Variants in TTPA observed in about 807,000 individuals in gnomAD.
TTPA encodes alpha tocopherol transfer protein.
A neutral mutation model predicts 25.9 loss-of-function variants in TTPA; 23 were observed. The observed-to-expected ratio is 0.89, with a 90% CI of 0.64 to 1.26. TTPA has a LOEUF of 1.26. Ranked by LOEUF, TTPA falls within the 50% of genes most tolerant of loss-of-function variation. TTPA has a pLI of 0.00. For synonymous variants in TTPA, 148 were observed against 137.3 expected, an observed-to-expected ratio of 1.08 and a Z score of -0.54; for missense variants, 337 against 353.1, an observed-to-expected ratio of 0.95 and a Z score of 0.37.
intron 2 of TTPA, among the ~76,000 whole-genome samples, chr8:63,067,483 G>C (rs1164568050): frequency 6.8e-6 from 1 of 146,386 alleles, no homozygotes; most frequent in African/African-American, 2.5e-5. Flanking sequence ...AGACTGAAGT[G>C]CCTAACAGGA....
chr8:63,073,576 G>A (rs1805515688), intron 1 of TTPA, among the ~76,000 whole-genome samples: 1 of 152,176 alleles, frequency 6.6e-6, no homozygotes, highest in African/African-American at 2.4e-5. Flanking sequence ...TGTGGAGAGA[G>A]GCATGGAGGT....
At chr8:63,084,410 T>A (rs1358197119) in intron 1 of TTPA, among the ~76,000 whole-genome samples, 1 of 152,002 alleles carries the variant, frequency 6.6e-6, no homozygotes, top group Non-Finnish European at 1.5e-5. Flanking sequence ...AATTGTAGAG[T>A]CCAAAAAATA....
At chr8:63,064,898 T>C (rs928722414) in intron 3 of TTPA, among the ~76,000 whole-genome samples, 3 of 152,180 alleles carry the variant, frequency 2.0e-5, no homozygotes, top group African/African-American at 7.2e-5. Context: ...ATTTTTTCCA[T>C]GCATCACTTT....
intron 1 of TTPA, among the ~76,000 whole-genome samples, chr8:63,076,967 T>C (rs1397514169): frequency 6.6e-6 from 1 of 151,688 alleles, no homozygotes; most frequent in Non-Finnish European, 1.5e-5. Flanking sequence ...CACAAATAAC[T>C]AGAAAAAATT....
intron 4 of TTPA, 79 bp downstream of exon 4, chr8:63,064,127 A>G: frequency 9.8e-7 from 1 of 1,022,622 alleles, no homozygotes; most frequent in South Asian, 1.4e-5. Context: ...ACGAGGAAAG[A>G]TGATAAAGCA....
chr8:63,072,868 G>A, intron 2 of TTPA, 67 bp downstream of exon 2: 1 of 1,561,056 alleles, frequency 6.4e-7, no homozygotes, highest in Non-Finnish European at 8.8e-7. Flanking sequence ...AGAGAGAAGA[G>A]GAGAGGGGAG....
At position 63,066,113 on chromosome 8, in the gene TTPA, C is replaced by CAT; in HGVS notation, c.359-18_359-17dup. On this transcript the variant is annotated splice_polypyrimidine_tract_variant and intron_variant, in intron 2 of 4. Transcript: ENST00000260116. ...TCCCAGTGTGCTAAAAAAAATAAAG[C>CAT]ATATCATATCTTAGCATTGTGTAAA... is the stretch of plus-strand genomic sequence containing the variant. 1 of 1,607,836 alleles carries CAT rather than the reference C, an allele frequency of 6.2e-7. No individual in the cohort carries two copies. The highest frequency in any genetic ancestry group is 8.5e-7 in the Non-Finnish European group (1 of 1,175,310).
At chr8:63,082,193 A>T (rs1014182145) in intron 1 of TTPA, among the ~76,000 whole-genome samples, 5 of 152,196 alleles carry the variant, frequency 3.3e-5, no homozygotes, top group African/African-American at 1.2e-4. Flanking sequence ...AGACAATCCT[A>T]AGCAGAAAGA....
chr8:63,085,930 A>G lies in TTPA; in HGVS notation c.92T>C (p.Leu31Pro). The change falls in exon 1 of 5, where the codon CTG (leucine) becomes CCG (proline). Residue 31 changes from leucine to proline, a missense_variant. Leu to Pro is a moderately conservative substitution (Grantham distance 98). Coordinates refer to ENST00000260116, the MANE Select transcript of TTPA (RefSeq NM_000370.3). ...SPLLQPGLAA[L>P]RRRAREAGVP... ...GCCAGCTTCCCGGGCCCGGCGCCGC[A>G]GCGCCGCCAGGCCCGGCTGCAGCAA... The G allele has an allele frequency of 6.6e-7, 1 of 1,519,638 alleles. No homozygotes were observed. The highest frequency in any genetic ancestry group is 8.8e-7 in the Non-Finnish European group (1 of 1,140,476). 94.1% of individuals were successfully genotyped at this position (1,519,638 alleles called of 1,614,324 possible).
In TTPA at chr8:63,085,719, A is replaced by G. The variant is rs1585698290; in HGVS notation, c.204+99T>C. 8 of 1,423,220 alleles carry G rather than the reference A, an allele frequency of 5.6e-6. No homozygotes were observed. The Admixed American group carries it at 1.7e-4, about 30-fold the overall frequency. 88.2% of individuals were successfully genotyped at this position (1,423,220 alleles called of 1,614,324 possible). ...CGTTACCCGCCAGGGTCCTGCCTGC[A>G]CCCTGGGCTTCGGCAGGGGTCAGAT... On this transcript the variant is annotated intron_variant, in intron 1 of 4. Coordinates refer to ENST00000260116, the MANE Select transcript of TTPA (RefSeq NM_000370.3).
chr8:63,060,073 TTA>T lies in TTPA; in HGVS notation c.*1177_*1178del, dbSNP rs1805279529. 1 of 152,080 alleles carries T rather than the reference TTA, an allele frequency of 6.6e-6. No homozygotes were observed. Among genetic ancestry groups the T allele is most frequent in the Non-Finnish European group, 1.5e-5 (1 of 68,020 alleles). 9.4% of individuals were successfully genotyped at this position (152,080 alleles called of 1,614,324 possible). ...TTCTGATACAATAGTCAAACTCATA[TTA>T]TTTTATGCATAATCTGAAAAATACC... On this transcript the variant is annotated 3_prime_UTR_variant, in exon 5 of 5. Transcript: ENST00000260116.
intron 2 of TTPA, among the ~76,000 whole-genome samples, chr8:63,067,251 G>A (rs537859709): frequency 2.6e-5 from 4 of 152,158 alleles, no homozygotes; most frequent in East Asian, 1.9e-4. Context: ...AGGAAAAATG[G>A]TTTGGAAGAT....
chr8:63,080,509 C>T (rs560920120), intron 1 of TTPA, among the ~76,000 whole-genome samples: 3 of 152,078 alleles, frequency 2.0e-5, no homozygotes, highest in South Asian at 2.1e-4. Flanking sequence ...ATCACGACGT[C>T]GGGAGATCAA....
At chr8:63,059,020 G>GTTTTTTTTTTTTTTTTTTTTTTTTT (rs35335226), downstream of TTPA, among the ~76,000 whole-genome samples, 1 of 67,144 alleles carries the variant, frequency 1.5e-5, no homozygotes, top group African/African-American at 6.0e-5. Flanking sequence ...GCAGGGTCCA[G>GTTTTTTTTTTTTTTTTTTTTTTTTT]TTTTTTTTTT....
chr8:63,069,153 C>CA (rs1244741899), intron 2 of TTPA, among the ~76,000 whole-genome samples: 3 of 151,504 alleles, frequency 2.0e-5, no homozygotes. Context: ...GACTCTGTCT[C>CA]AAAAAAACAA....
In TTPA at chr8:63,060,229, A is replaced by G. The variant is rs1481397614; in HGVS notation, c.*1023T>C. On this transcript the variant is annotated 3_prime_UTR_variant, in exon 5 of 5. Transcript: ENST00000260116. ...TGATTCCATCCCTTTCCGTGTAGTC[A>G]TAAGAATGACCATAAGCAAAAGTTA... The G allele has an allele frequency of 1.3e-5, 2 of 152,234 alleles. No individual in the cohort carries two copies. The highest frequency in any genetic ancestry group is 4.8e-5 in the African/African-American group (2 of 41,456). 9.4% of individuals were successfully genotyped at this position (152,234 alleles called of 1,614,324 possible). A position where few individuals can be genotyped will look rare whatever the true frequency, so the allele number is the denominator to read the frequency against.
rs1225250975 is a variant in TTPA, at chr8:63,061,419, T to C, written c.670A>G (p.Met224Val). ...LTEKIKERIH[M>V]HGNNYKQSLL... Reference sequence around the variant, plus strand: ...CTTTGTTTGTAGTTGTTCCCATGCATGTGAATCTGAAATAGCCAAAACACT... The same window carrying C: ...CTTTGTTTGTAGTTGTTCCCATGCACGTGAATCTGAAATAGCCAAAACACT... The change falls in exon 5 of 5, where the codon ATG becomes GTG. Residue 224 changes from methionine (M) to valine (V), a missense_variant. By Grantham distance (21) the Met-to-Val change is conservative (BLOSUM62 1). Coordinates refer to ENST00000260116, the MANE Select transcript of TTPA (RefSeq NM_000370.3). The C allele has an allele frequency of 1.2e-6, 2 of 1,613,838 alleles. No individual in the cohort carries two copies. Among genetic ancestry groups the C allele is most frequent in the Non-Finnish European group, 1.7e-6 (2 of 1,179,954 alleles).
intron 2 of TTPA, among the ~76,000 whole-genome samples, chr8:63,072,672 T>C (rs1268865170): frequency 1.3e-5 from 2 of 152,244 alleles, no homozygotes; most frequent in Non-Finnish European, 2.9e-5. Flanking sequence ...TGTGGAAGAA[T>C]GGAACTAGGA....
chr8:63,068,294 G>A (rs959776084), intron 2 of TTPA, among the ~76,000 whole-genome samples: 2 of 152,208 alleles, frequency 1.3e-5, no homozygotes, highest in African/African-American at 4.8e-5. Flanking sequence ...TTTAAAGGAT[G>A]AGTAGAAGAG....
Sources: allele counts gnomAD v4.1 joint callset (sites outside exome capture counted in the v4.1 genomes callset), GRCh38; gene constraint gnomAD v4.1.1; transcripts MANE v1.5; gene names NCBI Gene and HGNC (gene_info 2026-07-23, HGNC 2026-07-21).